ANKS1A: variants seen among roughly 807,000 people sequenced by gnomAD.
ANKS1A encodes the protein ankyrin repeat and sterile alpha motif domain containing 1A, also known as ankyrin repeat and SAM domain-containing protein 1A.
Under a neutral mutation model 120.3 loss-of-function variants are expected in ANKS1A, and 55 were observed. That is an observed-to-expected ratio of 0.46 (90% confidence interval 0.37 to 0.57). The LOEUF is 0.57. ANKS1A is among the 20% of genes least tolerant of loss of function. ANKS1A has a pLI of 0.00. For synonymous variants in ANKS1A, 590 were observed against 604.7 expected, an observed-to-expected ratio of 0.98 and a Z score of 0.36; for missense variants, 1,123 against 1,480.3, an observed-to-expected ratio of 0.76 and a Z score of 3.96.
chr6:34,892,834 A>G (rs758224901), intron 1 of ANKS1A, among the ~76,000 whole-genome samples: 6 of 152,206 alleles, frequency 3.9e-5, no homozygotes, highest in Non-Finnish European at 5.9e-5. Context: ...ACATATAGCA[A>G]CCCTCACCGA....
At chr6:34,891,949 C>T (rs1257777507) in intron 1 of ANKS1A, among the ~76,000 whole-genome samples, 4 of 152,132 alleles carry the variant, frequency 2.6e-5, no homozygotes, top group Admixed American at 1.3e-4. Context: ...ATTCTTAGTG[C>T]GCTCACTCGG....
chr6:34,958,997 AT>A (rs1228350228), intron 1 of ANKS1A, among the ~76,000 whole-genome samples: 1 of 152,178 alleles, frequency 6.6e-6, no homozygotes, highest in African/African-American at 2.4e-5. Context: ...CATTGATTGG[AT>A]TCAACTGGAT....
rs1775630814 is a variant in ANKS1A, at chr6:35,044,651, G to C, written c.2011-9448G>C. On this transcript the variant is annotated intron_variant, in intron 11 of 23. Transcript: ENST00000360359. The surrounding 1 kb of genome is among the most constrained non-coding windows in gnomAD (Gnocchi z 4.4). ...CTGAATGGAGAAGCTGCCTCCAGCTGAGTGTCCAGGAAGTGAGCTATTGTT... is the reference window on the plus strand; with the variant it reads ...CTGAATGGAGAAGCTGCCTCCAGCTCAGTGTCCAGGAAGTGAGCTATTGTT... Among the ~76,000 whole-genome samples the C allele has an allele frequency of 6.6e-6, 1 of 152,220 alleles. No individual in the cohort carries two copies. The highest frequency in any genetic ancestry group is 1.5e-5 in the Non-Finnish European group (1 of 68,038).
chr6:35,087,132 G>A (rs1248556021), intron 23 of ANKS1A, 83 bp downstream of exon 23: 4 of 1,368,522 alleles, frequency 2.9e-6, no homozygotes, highest in Non-Finnish European at 1.0e-6. Context: ...TCTTTCTGCT[G>A]TCCTCAACTC....
At chr6:35,054,853 T>C (rs960140839) in intron 12 of ANKS1A, among the ~76,000 whole-genome samples, 4 of 152,154 alleles carry the variant, frequency 2.6e-5, no homozygotes, top group Non-Finnish European at 5.9e-5. Context: ...TAAAGATGCC[T>C]CTCAGAGCAG....
chr6:35,026,903 A>G (rs1774653922), intron 11 of ANKS1A, among the ~76,000 whole-genome samples: 1 of 152,012 alleles, frequency 6.6e-6, no homozygotes, highest in Admixed American at 6.6e-5. Context: ...ACATGCACAT[A>G]CCCACATTTT....
At chr6:34,930,775 G>A (rs1768941078) in intron 1 of ANKS1A, among the ~76,000 whole-genome samples, 1 of 152,052 alleles carries the variant, frequency 6.6e-6, no homozygotes, top group Non-Finnish European at 1.5e-5. Flanking sequence ...AGCCACTGAT[G>A]TAGCTGAGGC....
chr6:35,079,955 T>C (rs2689094), intron 16 of ANKS1A, 27 bp downstream of exon 16: 687,382 of 1,548,012 alleles, frequency 0.44, 159,429 homozygotes, highest in Middle Eastern at 0.5. Context: ...CAGAAAGGAA[T>C]GTATGTTTGT....
rs767459384 is a variant in ANKS1A at position 35,017,817 on chromosome 6, C to T, written c.1768C>T (p.Pro590Ser). 19 of 1,614,074 alleles carry T rather than the reference C, an allele frequency of 1.2e-5. No homozygotes were observed. Among genetic ancestry groups the T allele is most frequent in the Non-Finnish European group, 1.6e-5 (19 of 1,180,042 alleles). ...HPETLTHTAS[P>S]HPGGAEEGDR... is the part of the protein sequence containing the mutation. ...TGAAACTTTGACTCACACAGCATCT[C>T]CGCACCCTGGTGGTGCTGAGGAAGG... is the stretch of plus-strand genomic sequence containing the variant. The change falls in exon 11 of 24, where the codon CCG (proline) becomes TCG (serine). Residue 590 changes from proline to serine, a missense_variant. Pro to Ser is a moderately conservative substitution (Grantham distance 74). This residue lies in a region of ANKS1A where 904 missense variants were observed against 1,130.4 expected (regional missense o/e 0.80). Coordinates refer to ENST00000360359, the MANE Select transcript of ANKS1A (RefSeq NM_015245.3).
intron 10 of ANKS1A, among the ~76,000 whole-genome samples, chr6:34,999,571 C>T (rs563188119): frequency 2.0e-5 from 3 of 152,100 alleles, no homozygotes; most frequent in African/African-American, 4.8e-5. Flanking sequence ...AGGGAGATTA[C>T]GGTGTTACTA....
intron 10 of ANKS1A, among the ~76,000 whole-genome samples, chr6:34,999,080 G>A (rs1055169301): frequency 6.6e-6 from 1 of 152,228 alleles, no homozygotes; most frequent in Non-Finnish European, 1.5e-5. Context: ...CTGGCATTTG[G>A]AGTCTGGACA....
In ANKS1A at chr6:35,082,663, C is replaced by T. The variant is rs778168538; in HGVS notation, c.2710-28C>T. ...CCATGTGCTCCTCTGGAGCAAGGAG[C>T]AGGTGTCCAATTGCGTGTGTTTCGC... On this transcript the variant is annotated intron_variant, in intron 17 of 23. Transcript: ENST00000360359. This position sits in a 1 kb window ranked among gnomAD's most constrained non-coding sequence, Gnocchi z 4.1. The T allele has an allele frequency of 6.3e-7, 1 of 1,593,470 alleles. No individual in the cohort carries two copies. The highest frequency in any genetic ancestry group is 8.6e-7 in the Non-Finnish European group (1 of 1,169,374).
At chr6:34,987,474 C>T (rs1200096678) in intron 8 of ANKS1A, among the ~76,000 whole-genome samples, 2 of 152,108 alleles carry the variant, frequency 1.3e-5, no homozygotes, top group Admixed American at 1.3e-4. Flanking sequence ...AGGCCTGCTC[C>T]TTTTGCTGTT....
intron 8 of ANKS1A, among the ~76,000 whole-genome samples, chr6:34,985,504 A>G (rs1280261716): frequency 6.6e-6 from 1 of 152,204 alleles, no homozygotes; most frequent in African/African-American, 2.4e-5. Context: ...TTCTAGTTTC[A>G]GTATAAGCAG....
At chr6:35,097,885 A>G in the ANKS1A span, among the ~76,000 whole-genome samples, 1 of 152,204 alleles carries the variant, frequency 6.6e-6, no homozygotes, top group Non-Finnish European at 1.5e-5. Flanking sequence ...TTAAAAAGCT[A>G]AACTGTTTAC....
rs1771979346 is a variant in ANKS1A, at chr6:34,982,952, A to T, written c.808+125A>T. 2 of 1,295,986 alleles carry T rather than the reference A, an allele frequency of 1.5e-6. No homozygotes were observed. Among genetic ancestry groups the T allele is most frequent in the Non-Finnish European group, 1.1e-6 (1 of 898,122 alleles). The allele number at this position is 1,295,986 out of a possible 1,614,324, so 80.3% of individuals were successfully genotyped here. A position where few individuals can be genotyped will look rare whatever the true frequency, so the allele number is the denominator to read the frequency against. On this transcript the variant is annotated intron_variant, in intron 5 of 23. Transcript: ENST00000360359. The surrounding 1 kb of genome is among the most constrained non-coding windows in gnomAD (Gnocchi z 4.9). ...AATGTATGTGTATCTCCACTGGTTG[A>T]TTACAAGTGTGTAAACTGTTCTTGA...
chr6:34,978,491 A>T (rs1038997232), intron 3 of ANKS1A, among the ~76,000 whole-genome samples: 1 of 152,138 alleles, frequency 6.6e-6, no homozygotes, highest in Non-Finnish European at 1.5e-5. Flanking sequence ...TTGTGAGTGT[A>T]TTAACCAGCA....
intron 1 of ANKS1A, among the ~76,000 whole-genome samples, chr6:34,930,911 C>T (rs1259420492): frequency 6.7e-6 from 1 of 148,438 alleles, no homozygotes; most frequent in East Asian, 2.0e-4. Context: ...GAGTGTGGCT[C>T]TTGTTGCCCA....
intron 11 of ANKS1A, among the ~76,000 whole-genome samples, chr6:35,035,014 C>T (rs957176890): frequency 3.3e-5 from 5 of 152,268 alleles, no homozygotes; most frequent in South Asian, 2.1e-4. Flanking sequence ...GAGTAAGTGG[C>T]AAATGTTGGC....
Sources: allele counts gnomAD v4.1 joint callset (sites outside exome capture counted in the v4.1 genomes callset), GRCh38; gene constraint gnomAD v4.1.1; regional missense constraint gnomAD v4.1.1; non-coding constraint Gnocchi (gnomAD v3.1); transcripts MANE v1.5; gene names NCBI Gene and HGNC (gene_info 2026-07-23, HGNC 2026-07-21).